The following BRCC3 variants were observed in gnomAD, a reference collection of about 807,000 sequenced individuals.
BRCC3 encodes BRCA1/BRCA2-containing complex subunit 3, also known as lys-63-specific deubiquitinase BRCC36.
A neutral mutation model predicts 28.0 loss-of-function variants in BRCC3; 15 were observed. That is an observed-to-expected ratio of 0.54 (90% confidence interval 0.36 to 0.82). The LOEUF (loss-of-function observed/expected upper bound fraction) is 0.82. BRCC3 is among the 40% of genes least tolerant of loss of function. The pLI is 0.01. For synonymous variants in BRCC3, 66 were observed against 80.3 expected, an observed-to-expected ratio of 0.82 and a Z score of 0.95; for missense variants, 109 against 225.9, an observed-to-expected ratio of 0.48 and a Z score of 3.32.
chrX:155,086,191 T>C (rs1040066727), intron 5 of BRCC3, among the ~76,000 whole-genome samples: 2 of 111,590 alleles, frequency 1.8e-5, no homozygotes, highest in African/African-American at 6.6e-5. Flanking sequence ...GGAAACTTCA[T>C]GCTGATCACA....
At chrX:155,094,315 T>C (rs2074195151) in intron 7 of BRCC3, among the ~76,000 whole-genome samples, 1 of 110,834 alleles carries the variant, frequency 9.0e-6, no homozygotes, top group Non-Finnish European at 1.9e-5. Context: ...TTGTTATCAT[T>C]ATTAACTATT....
chrX:155,122,415 G>A lies in BRCC3; in HGVS notation c.*1211G>A, dbSNP rs1162772138. ...GCTGACAGGAATGTAAAATGGTACA[G>A]CCACTCTGGGAAAGAGTTTATGAAT... is the stretch of plus-strand genomic sequence containing the variant. On this transcript the variant is annotated 3_prime_UTR_variant, in exon 11 of 11. Transcript: ENST00000330045. 8.9e-6 allele frequency: 1 copy of A among 112,163 alleles called. No individual in the cohort carries two copies. Among genetic ancestry groups the A allele is most frequent in the East Asian group, 2.8e-4 (1 of 3,597 alleles). The allele number at this position is 112,163 out of a possible 1,213,427, so 9.2% of individuals were successfully genotyped here.
intron 3 of BRCC3, among the ~76,000 whole-genome samples, chrX:155,073,833 T>C (rs1471998569): frequency 9.0e-6 from 1 of 111,584 alleles, no homozygotes; most frequent in Non-Finnish European, 1.9e-5. Flanking sequence ...TAGTTCTTAG[T>C]CTGCCTTGAC....
At chrX:155,074,167 G>A (rs1233725900) in intron 3 of BRCC3, among the ~76,000 whole-genome samples, 5 of 112,050 alleles carry the variant, frequency 4.5e-5, no homozygotes, top group African/African-American at 6.5e-5. Flanking sequence ...TTTATCAAAT[G>A]TTCTGTCTCT....
chrX:155,105,523 G>C, intron 7 of BRCC3, among the ~76,000 whole-genome samples: 1 of 111,846 alleles, frequency 8.9e-6, no homozygotes, highest in Non-Finnish European at 1.9e-5. Flanking sequence ...AATTTTACAT[G>C]CCACCTTTTA....
At chrX:155,090,721 G>A (rs1932204404) in intron 6 of BRCC3, 63 bp from the exon 7 acceptor site, 8 of 887,319 alleles carry the variant, frequency 9.0e-6, no homozygotes, top group Non-Finnish European at 9.7e-6. Flanking sequence ...GGACCTTTGG[G>A]GTCTTTTTCA....
intron 3 of BRCC3, among the ~76,000 whole-genome samples, chrX:155,075,902 C>A (rs1416849012): frequency 8.9e-6 from 1 of 112,197 alleles, no homozygotes; most frequent in Non-Finnish European, 1.9e-5. Context: ...CTCCCAGACA[C>A]CTCATTCACA....
intron 7 of BRCC3, 83 bp downstream of exon 7, chrX:155,090,922 T>A: frequency 1.4e-6 from 1 of 723,704 alleles, no homozygotes; most frequent in South Asian, 2.4e-5. Context: ...ATTTTATTCC[T>A]TTCACTGGTA....
chrX:155,094,316 A>G (rs150806074), intron 7 of BRCC3, among the ~76,000 whole-genome samples: 1,722 of 110,691 alleles, frequency 0.016, 16 homozygotes, highest in Non-Finnish European at 0.025. Context: ...TGTTATCATT[A>G]TTAACTATTA....
intron 7 of BRCC3, among the ~76,000 whole-genome samples, chrX:155,096,521 A>T (rs1367365410): frequency 4.5e-5 from 5 of 112,313 alleles, no homozygotes; most frequent in African/African-American, 1.6e-4. Context: ...GCCCCAAATC[A>T]TTAGTCTTTA....
chrX:155,076,141 T>C (rs1352015291), intron 3 of BRCC3, among the ~76,000 whole-genome samples: 2 of 112,050 alleles, frequency 1.8e-5, no homozygotes, highest in African/African-American at 6.5e-5. Context: ...CCGGGTGCGG[T>C]GGGTTATGCC....
chrX:155,076,347 C>T (rs1423144868), intron 3 of BRCC3, among the ~76,000 whole-genome samples: 1 of 110,751 alleles, frequency 9.0e-6, no homozygotes, highest in African/African-American at 3.3e-5. Context: ...TGAGATTGCA[C>T]TACTGCACTC....
intron 7 of BRCC3, among the ~76,000 whole-genome samples, chrX:155,104,863 T>A (rs2074268367): frequency 8.8e-6 from 1 of 113,047 alleles, no homozygotes; most frequent in Non-Finnish European, 1.9e-5. Flanking sequence ...TGCACATATT[T>A]AATGTACACA....
intron 3 of BRCC3, among the ~76,000 whole-genome samples, chrX:155,075,317 C>A (rs1602760875): frequency 1.9e-5 from 1 of 53,004 alleles, no homozygotes; most frequent in African/African-American, 4.1e-4. Flanking sequence ...TTCTTCCCCA[C>A]ACTAAATGTG....
chrX:155,099,077 T>G (rs1025638060), intron 7 of BRCC3, among the ~76,000 whole-genome samples: 2 of 111,764 alleles, frequency 1.8e-5, no homozygotes, highest in Non-Finnish European at 3.8e-5. Flanking sequence ...TATTTTTTAT[T>G]TATGCCTTGA....
At chrX:155,094,947 G>A (rs1340024808) in intron 7 of BRCC3, among the ~76,000 whole-genome samples, 2 of 112,555 alleles carry the variant, frequency 1.8e-5, no homozygotes, top group Non-Finnish European at 3.8e-5. Context: ...ACACTGAGCT[G>A]ACACCCATGT....
chrX:155,114,537 T>A (rs1001456016), intron 7 of BRCC3, among the ~76,000 whole-genome samples: 10 of 110,086 alleles, frequency 9.1e-5, no homozygotes, highest in African/African-American at 2.6e-4. Context: ...ATTACTGAAC[T>A]GTACACTTAA....
intron 5 of BRCC3, among the ~76,000 whole-genome samples, chrX:155,085,399 C>T (rs2074116019): frequency 8.9e-6 from 1 of 112,436 alleles, no homozygotes; most frequent in African/African-American, 3.2e-5. Context: ...GTGCATGTGA[C>T]ATTCAGTCTA....
chrX:155,088,221 T>C (rs1557295178), intron 5 of BRCC3, among the ~76,000 whole-genome samples: 1 of 112,369 alleles, frequency 8.9e-6, no homozygotes, highest in Non-Finnish European at 1.9e-5. Context: ...GAAGAACAGA[T>C]TGCCAAAATA....
Sources: gnomAD v4.1 joint callset for allele counts (sites outside exome capture counted in the v4.1 genomes callset) on GRCh38, gnomAD v4.1.1 for gene constraint, MANE v1.5 for transcripts, NCBI Gene and HGNC (gene_info 2026-07-23, HGNC 2026-07-21) for gene names.